The following CDC42SE2 variants were observed in gnomAD, a reference collection of about 807,000 sequenced individuals.
CDC42SE2 encodes CDC42 small effector protein 2.
A neutral mutation model predicts 11.5 loss-of-function variants in CDC42SE2; 3 were observed. The observed-to-expected ratio is 0.26, with a 90% CI of 0.12 to 0.67. CDC42SE2 has a LOEUF of 0.67. Ranked by LOEUF, CDC42SE2 falls within the 30% of genes least tolerant of loss-of-function variation. The pLI is 0.80. For synonymous variants in CDC42SE2, 33 were observed against 34.8 expected (o/e 0.95, Z 0.18); for missense variants, 82 against 106.8 (o/e 0.77, Z 1.02).
intron 3 of CDC42SE2, among the ~76,000 whole-genome samples, chr5:131,366,045 A>G (rs1006910165): frequency 2.6e-5 from 4 of 152,260 alleles, no homozygotes; most frequent in Admixed American, 1.3e-4. Flanking sequence ...TTAGAAAAAC[A>G]TCATAGAAGA....
At chr5:131,268,467 T>C (rs962955912) in intron 1 of CDC42SE2, among the ~76,000 whole-genome samples, 4 of 143,456 alleles carry the variant, frequency 2.8e-5, no homozygotes, top group Non-Finnish European at 6.3e-5. Flanking sequence ...TTTTTTTTTT[T>C]CTGAGACGGA....
intron 1 of CDC42SE2, among the ~76,000 whole-genome samples, chr5:131,310,709 G>T (rs1580746155): frequency 6.6e-6 from 1 of 151,886 alleles, no homozygotes; most frequent in Non-Finnish European, 1.5e-5. Context: ...TAATGGCCTT[G>T]TCTCTTTTGA....
At chr5:131,284,089 G>A (rs192135011) in intron 1 of CDC42SE2, among the ~76,000 whole-genome samples, 2 of 152,190 alleles carry the variant, frequency 1.3e-5, no homozygotes, top group African/African-American at 4.8e-5. Context: ...CATCAGCCGT[G>A]TAGGAAATAT....
At chr5:131,307,526 T>TA (rs1035515509) in intron 1 of CDC42SE2, among the ~76,000 whole-genome samples, 12 of 152,222 alleles carry the variant, frequency 7.9e-5, no homozygotes, top group African/African-American at 2.6e-4. Flanking sequence ...GCAGTAAACA[T>TA]ACGTGTGCAT....
chr5:131,215,725 G>A, the CDC42SE2 span, among the ~76,000 whole-genome samples: 4 of 152,152 alleles, frequency 2.6e-5, no homozygotes, highest in Non-Finnish European at 5.9e-5. Context: ...GTCTAGAAAA[G>A]GAACTCAGTG....
At chr5:131,234,148 G>A in the CDC42SE2 span, among the ~76,000 whole-genome samples, 2 of 152,114 alleles carry the variant, frequency 1.3e-5, no homozygotes, top group Admixed American at 6.5e-5. Flanking sequence ...CAAACTCACT[G>A]AATAAATTTT....
chr5:131,242,219 A>G (rs1756545819), upstream of CDC42SE2, among the ~76,000 whole-genome samples: 1 of 152,178 alleles, frequency 6.6e-6, no homozygotes, highest in South Asian at 2.1e-4. Flanking sequence ...TCCTTTACCA[A>G]ACCAAAACAT....
At chr5:131,222,070 CTCA>C in the CDC42SE2 span, among the ~76,000 whole-genome samples, 7 of 152,228 alleles carry the variant, frequency 4.6e-5, no homozygotes, top group African/African-American at 1.7e-4. Context: ...ACAGCTCTGA[CTCA>C]TCATTACATA....
At chr5:131,340,650 T>G (rs1758690593) in intron 2 of CDC42SE2, among the ~76,000 whole-genome samples, 1 of 151,780 alleles carries the variant, frequency 6.6e-6, no homozygotes, top group South Asian at 2.1e-4. Flanking sequence ...CAGTTAACCA[T>G]TAAAGAGCAC....
chr5:131,226,728 T>A, the CDC42SE2 span, among the ~76,000 whole-genome samples: 3 of 152,236 alleles, frequency 2.0e-5, no homozygotes, highest in African/African-American at 7.2e-5. Context: ...AGTAGGTTGT[T>A]GAACTCACCC....
intron 1 of CDC42SE2, among the ~76,000 whole-genome samples, chr5:131,313,668 T>C (rs1390639390): frequency 6.6e-6 from 1 of 152,222 alleles, no homozygotes; most frequent in Non-Finnish European, 1.5e-5. Flanking sequence ...TTTTGTTTTA[T>C]TGACCTGTTA....
At chr5:131,338,509 A>T (rs1758631214) in intron 2 of CDC42SE2, among the ~76,000 whole-genome samples, 1 of 152,226 alleles carries the variant, frequency 6.6e-6, no homozygotes, top group Admixed American at 6.5e-5. Flanking sequence ...GAATCTCTGC[A>T]ACTGTGATAG....
chr5:131,321,977 A>G (rs560343700), intron 2 of CDC42SE2, among the ~76,000 whole-genome samples: 61 of 152,198 alleles, frequency 4.0e-4, no homozygotes, highest in Admixed American at 9.2e-4. Flanking sequence ...CAGCCTCCCA[A>G]GTAGCTGGGA....
At chr5:131,350,633 G>GTGTGTA (rs1370007521) in intron 2 of CDC42SE2, among the ~76,000 whole-genome samples, 2 of 140,098 alleles carry the variant, frequency 1.4e-5, no homozygotes. Context: ...GTGTGTGTGT[G>GTGTGTA]TGTGTATATA....
the CDC42SE2 span, among the ~76,000 whole-genome samples, chr5:131,234,743 C>G: frequency 1.3e-5 from 2 of 152,030 alleles, no homozygotes; most frequent in Non-Finnish European, 2.9e-5. Flanking sequence ...TTCTTGCCTT[C>G]TAGAAGCTAA....
chr5:131,335,159 A>G (rs887875102), intron 2 of CDC42SE2, among the ~76,000 whole-genome samples: 5 of 151,786 alleles, frequency 3.3e-5, no homozygotes, highest in African/African-American at 7.3e-5. Flanking sequence ...AGATTCTGGT[A>G]TGTTGTGTCT....
At chr5:131,278,849 G>C (rs547032842) in intron 1 of CDC42SE2, among the ~76,000 whole-genome samples, 2 of 129,874 alleles carry the variant, frequency 1.5e-5, no homozygotes, top group East Asian at 2.3e-4. Flanking sequence ...CAGTGGCTTG[G>C]TCTTGGCTCA....
In CDC42SE2 at chr5:131,368,121, C is replaced by T. The variant is rs140700663; in HGVS notation, c.54+8574C>T. Reference sequence around the variant, plus strand: ...ACAAAAAAATAGCTGGGCGTGGTGGCGGACGCCTGTGGTCCCAGCTACTCA... The same window carrying T: ...ACAAAAAAATAGCTGGGCGTGGTGGTGGACGCCTGTGGTCCCAGCTACTCA... On this transcript the variant is annotated intron_variant, in intron 3 of 4. Coordinates refer to ENST00000505065, the MANE Select transcript of CDC42SE2 (RefSeq NM_001375635.1). Among the ~76,000 whole-genome samples the T allele has an allele frequency of 1.5e-3, 226 of 152,042 alleles. 1 individual carries two copies. Among genetic ancestry groups the T allele is most frequent in the African/African-American group, 5.1e-3 (212 of 41,482 alleles).
intron 1 of CDC42SE2, among the ~76,000 whole-genome samples, chr5:131,280,473 G>A (rs1213353177): frequency 6.6e-6 from 1 of 152,122 alleles, no homozygotes; most frequent in Non-Finnish European, 1.5e-5. Context: ...GGGTCATATT[G>A]GAAAGTGAAA....
Sources: allele counts gnomAD v4.1 joint callset (sites outside exome capture counted in the v4.1 genomes callset), GRCh38; gene constraint gnomAD v4.1.1; transcripts MANE v1.5; gene names NCBI Gene and HGNC (gene_info 2026-07-23, HGNC 2026-07-21).